Variants in BICD1 observed in about 807,000 individuals in gnomAD.
BICD1 encodes the protein BICD cargo adaptor 1.
A neutral mutation model predicts 92.5 loss-of-function variants in BICD1; 35 were observed. The observed-to-expected ratio is 0.38, with a 90% CI of 0.29 to 0.50. The LOEUF (loss-of-function observed/expected upper bound fraction) is 0.50. Ranked by LOEUF, BICD1 falls within the 20% of genes least tolerant of loss-of-function variation. The pLI is 0.93. For synonymous variants in BICD1, 429 were observed against 465.1 expected (o/e 0.92, Z 1.00); for missense variants, 950 against 1,189.8 (o/e 0.80, Z 2.97).
chr12:32,225,621 G>GTTTTTTTGTTTTTTT (rs1945659168), intron 2 of BICD1, among the ~76,000 whole-genome samples: 3 of 92,776 alleles, frequency 3.2e-5, no homozygotes, highest in Non-Finnish European at 6.4e-5. Flanking sequence ...CTTTTTTTCT[G>GTTTTTTTGTTTTTTT]TTTTTTTTTT....
chr12:32,321,252 G>A (rs955842647), intron 4 of BICD1, among the ~76,000 whole-genome samples: 17 of 152,184 alleles, frequency 1.1e-4, no homozygotes, highest in African/African-American at 4.1e-4. Context: ...CTTGAACCCC[G>A]GAGGCAGAGG....
At chr12:32,369,775 A>G (rs1939662209) in intron 9 of BICD1, among the ~76,000 whole-genome samples, 1 of 151,942 alleles carries the variant, frequency 6.6e-6, no homozygotes, top group Non-Finnish European at 1.5e-5. Flanking sequence ...GTATAATGGC[A>G]CATGGCTGTA....
intron 1 of BICD1, among the ~76,000 whole-genome samples, chr12:32,144,007 A>G (rs775690025): frequency 1.3e-5 from 2 of 152,176 alleles, no homozygotes; most frequent in Non-Finnish European, 2.9e-5. Flanking sequence ...AGTTCTTTGT[A>G]TAATATATAT....
intron 5 of BICD1, among the ~76,000 whole-genome samples, chr12:32,330,383 A>G (rs1055157759): frequency 7.2e-6 from 1 of 139,794 alleles, no homozygotes; most frequent in African/African-American, 2.7e-5. Context: ...ATGAGAACAC[A>G]TGGACACAGG....
chr12:32,127,498 T>C (rs1383422898), intron 1 of BICD1, among the ~76,000 whole-genome samples: 1 of 152,214 alleles, frequency 6.6e-6, no homozygotes, highest in Non-Finnish European at 1.5e-5. Context: ...CATGGGTCTA[T>C]TTTTGGACTA....
In BICD1 at chr12:32,216,297, G is replaced by C. The variant is rs200761672; in HGVS notation, c.264G>C (p.Glu88Asp). 1.2e-6 allele frequency: 2 copies of C among 1,613,974 alleles called. No homozygotes were observed. The highest frequency in any genetic ancestry group is 1.7e-6 in the Non-Finnish European group (2 of 1,180,032). Residue 88 changes from glutamate (E) to aspartate (D), a missense_variant, in exon 2 of 10, where the codon GAG (glutamate) becomes GAC (aspartate). Physicochemically the swap from Glu to Asp is conservative, Grantham distance 45 (BLOSUM62 2). Around this residue, in one of 5 missense-constraint regions of BICD1, gnomAD observed 202 missense variants for 205.3 expected, o/e 0.98. Coordinates refer to ENST00000652176, the MANE Select transcript of BICD1 (RefSeq NM_001714.4). ...SIHRKVAEDG[E>D]TREETLLQES... The stretch of plus-strand genomic sequence containing the variant: ...ACCGGAAGGTTGCTGAAGATGGAGA[G>C]ACTCGGGAGGAAACGCTTCTGCAGG...
intron 2 of BICD1, among the ~76,000 whole-genome samples, chr12:32,224,972 G>A (rs1400311642): frequency 6.6e-6 from 1 of 152,180 alleles, no homozygotes; most frequent in Non-Finnish European, 1.5e-5. Flanking sequence ...GGTTACAAGT[G>A]TGAGTCACTG....
At chr12:32,269,221 TAGAA>T (rs1947076079) in intron 2 of BICD1, among the ~76,000 whole-genome samples, 2 of 152,206 alleles carry the variant, frequency 1.3e-5, no homozygotes, top group African/African-American at 4.8e-5. Flanking sequence ...AATGACAAGT[TAGAA>T]AGATAGATTT....
intron 2 of BICD1, among the ~76,000 whole-genome samples, chr12:32,226,920 G>T (rs1945715070): frequency 6.6e-6 from 1 of 152,212 alleles, no homozygotes; most frequent in African/African-American, 2.4e-5. Flanking sequence ...AGGGAATGTG[G>T]GCTCACAGTT....
At chr12:32,119,604 G>A (rs1942069471) in intron 1 of BICD1, among the ~76,000 whole-genome samples, 1 of 152,204 alleles carries the variant, frequency 6.6e-6, no homozygotes, top group South Asian at 2.1e-4. Context: ...GGGTGCAGTG[G>A]CTCATGCCTG....
At position 32,338,856 on chromosome 12, in the gene BICD1, T is replaced by C; in HGVS notation, c.2641T>C (p.Leu881=). The C allele has an allele frequency of 6.2e-7, 1 of 1,605,840 alleles. No homozygotes were observed. Among genetic ancestry groups the C allele is most frequent in the Admixed American group, 1.7e-5 (1 of 58,500 alleles). The stretch of plus-strand genomic sequence containing the variant: ...AGGGGCTTCCTACCTACAGAATTTA[T>C]TAAGAGTTCCCCCTGATCCCACCTC... The part of the protein sequence containing the change: ...TSGASYLQNL[L]RVPPDPTSTE... The change falls in exon 8 of 10, where the codon TTA becomes CTA. Residue 881 remains leucine (L), a synonymous_variant. Coordinates refer to ENST00000652176, the MANE Select transcript of BICD1 (RefSeq NM_001714.4).
chr12:32,370,442 G>C (rs1285098619), intron 9 of BICD1, among the ~76,000 whole-genome samples: 3 of 138,460 alleles, frequency 2.2e-5, no homozygotes, highest in Admixed American at 2.1e-4. Context: ...CGTCTCAGTG[G>C]GATTCTGAAT....
chr12:32,155,100 G>C (rs1160385490), intron 1 of BICD1, among the ~76,000 whole-genome samples: 1 of 151,666 alleles, frequency 6.6e-6, no homozygotes, highest in Admixed American at 6.6e-5. Context: ...TATTATTTTT[G>C]CAGTTAATAA....
intron 3 of BICD1, among the ~76,000 whole-genome samples, chr12:32,297,438 C>T (rs1490511597): frequency 6.6e-6 from 1 of 152,054 alleles, no homozygotes; most frequent in Non-Finnish European, 1.5e-5. Flanking sequence ...CTCAAGTGAT[C>T]GCCCACCTCT....
At chr12:32,196,813 G>T (rs1362420679) in intron 1 of BICD1, among the ~76,000 whole-genome samples, 1 of 152,110 alleles carries the variant, frequency 6.6e-6, no homozygotes, top group Non-Finnish European at 1.5e-5. Context: ...GGGTGGTGAT[G>T]GATATGTTAG....
intron 2 of BICD1, among the ~76,000 whole-genome samples, chr12:32,280,542 A>G (rs1947385841): frequency 6.6e-6 from 1 of 152,168 alleles, no homozygotes; most frequent in Non-Finnish European, 1.5e-5. Context: ...GGTGATAAAG[A>G]TGTTCTTTTC....
Position 32,175,538 on chromosome 12 carries a change from A to C in BICD1, c.214-40709A>C, listed in dbSNP as rs554677746. Among the ~76,000 whole-genome samples, 34 of 152,260 alleles carry C rather than the reference A, an allele frequency of 2.2e-4. No homozygotes were observed. The South Asian group carries it at 7.0e-3, about 32-fold the overall frequency. On this transcript the variant is annotated intron_variant, in intron 1 of 9. Transcript: ENST00000652176. ...CGCCATGTTGGCCAGGCTGCTGTCC[A>C]ACTGCTGACCTCGGGTGATCCACCC...
At chr12:32,148,142 C>CAAAAAAAAAAAAAAAAA (rs10525262) in intron 1 of BICD1, among the ~76,000 whole-genome samples, 24 of 60,554 alleles carry the variant, frequency 4.0e-4, no homozygotes, top group Non-Finnish European at 5.3e-4. Flanking sequence ...ACTCCGTCTC[C>CAAAAAAAAAAAAAAAAA]AAAAAAAAAA....
intron 1 of BICD1, among the ~76,000 whole-genome samples, chr12:32,140,466 TTTG>T (rs760549533): frequency 7.4e-4 from 112 of 152,038 alleles, no homozygotes; most frequent in Middle Eastern, 3.4e-3. Context: ...CAACATCTTG[TTTG>T]TTGTTGTTGT....
Sources: allele counts gnomAD v4.1 joint callset (sites outside exome capture counted in the v4.1 genomes callset), GRCh38; gene constraint gnomAD v4.1.1; regional missense constraint gnomAD v4.1.1; transcripts MANE v1.5; gene names NCBI Gene and HGNC (gene_info 2026-07-23, HGNC 2026-07-21).